Variants in INTS4 observed in about 807,000 individuals in gnomAD.
INTS4 encodes the protein MSTP093.
Under a neutral mutation model 119.5 loss-of-function variants are expected in INTS4, and 70 were observed. The ratio of observed to expected loss-of-function variants is 0.59; its 90% CI spans 0.48 to 0.71. The LOEUF (loss-of-function observed/expected upper bound fraction) is 0.71. Ranked by LOEUF, INTS4 falls within the 30% of genes least tolerant of loss-of-function variation. The probability of loss-of-function intolerance (pLI) is 0.00; values close to 1 mark genes in which losing one functional copy is unlikely to be tolerated. For missense variants in INTS4, 867 were observed against 1,173.2 expected (o/e 0.74, Z 3.81); for synonymous variants, 316 against 419.6 (o/e 0.75, Z 3.02).
chr11:77,911,080 T>C (rs963524233), intron 15 of INTS4: 2 of 1,286,934 alleles, frequency 1.6e-6, no homozygotes, highest in African/African-American at 3.0e-5. Context: ...CTTCCTCCCA[T>C]CTCATGCTCG....
intron 4 of INTS4, among the ~76,000 whole-genome samples, chr11:77,966,987 A>G (rs765148988): frequency 2.0e-5 from 3 of 152,110 alleles, no homozygotes; most frequent in Non-Finnish European, 2.9e-5. Flanking sequence ...AAGGGTTCCA[A>G]TCCTTGCCAA....
chr11:77,904,145 G>A (rs1173475568), intron 16 of INTS4, among the ~76,000 whole-genome samples: 1 of 152,144 alleles, frequency 6.6e-6, no homozygotes, highest in African/African-American at 2.4e-5. Flanking sequence ...TAAGAGCCAT[G>A]ATTTTACCTT....
At chr11:77,951,395 A>T (rs1356667963) in intron 8 of INTS4, among the ~76,000 whole-genome samples, 1 of 152,224 alleles carries the variant, frequency 6.6e-6, no homozygotes, top group African/African-American at 2.4e-5. Context: ...CAAATCTGAC[A>T]AAAACAAGAA....
At chr11:77,956,622 G>A (rs183656163) in intron 7 of INTS4, among the ~76,000 whole-genome samples, 260 of 151,810 alleles carry the variant, frequency 1.7e-3, no homozygotes, top group African/African-American at 5.9e-3. Context: ...CAGGAGAATC[G>A]CTTGAACCTG....
At chr11:77,986,658 T>A (rs1177802845) in intron 2 of INTS4, among the ~76,000 whole-genome samples, 1 of 152,070 alleles carries the variant, frequency 6.6e-6, no homozygotes, top group African/African-American at 2.4e-5. Flanking sequence ...TATGCAGCCA[T>A]AAAAAAGGAT....
At chr11:77,970,189 G>A (rs1487924336) in intron 4 of INTS4, among the ~76,000 whole-genome samples, 1 of 152,020 alleles carries the variant, frequency 6.6e-6, no homozygotes, top group Non-Finnish European at 1.5e-5. Flanking sequence ...CTGAGGTCAA[G>A]AGCTCGAGAC....
At chr11:77,877,488 T>A (rs548926406), downstream of INTS4, among the ~76,000 whole-genome samples, 1 of 152,338 alleles carries the variant, frequency 6.6e-6, no homozygotes, top group South Asian at 2.1e-4. Flanking sequence ...TGAGGTCCAA[T>A]TATCTTCGTT....
chr11:77,903,079 C>T (rs1045498203), intron 17 of INTS4, among the ~76,000 whole-genome samples: 6 of 152,176 alleles, frequency 3.9e-5, no homozygotes, highest in African/African-American at 1.2e-4. Context: ...CCAACTGCCA[C>T]ATTTTATAGA....
chr11:77,970,561 G>A (rs1173704447), intron 4 of INTS4, among the ~76,000 whole-genome samples: 1 of 151,728 alleles, frequency 6.6e-6, no homozygotes, highest in East Asian at 2.0e-4. Context: ...AGGCACAGTG[G>A]CTCACTCCTG....
chr11:77,965,836 A>C (rs1166022799), intron 4 of INTS4, among the ~76,000 whole-genome samples: 1 of 152,238 alleles, frequency 6.6e-6, no homozygotes, highest in Non-Finnish European at 1.5e-5. Context: ...CTTTAGACAT[A>C]TACCCGGAAG....
At chr11:77,954,708 T>G (rs1391838214) in intron 8 of INTS4, among the ~76,000 whole-genome samples, 1 of 152,158 alleles carries the variant, frequency 6.6e-6, no homozygotes, top group Non-Finnish European at 1.5e-5. Flanking sequence ...ACAATAGGGT[T>G]CACACTCCTA....
chr11:77,911,315 C>A (rs1380305951), intron 15 of INTS4, among the ~76,000 whole-genome samples: 1 of 152,190 alleles, frequency 6.6e-6, no homozygotes, highest in East Asian at 1.9e-4. Flanking sequence ...ACTAGCTAAG[C>A]CCAACTGTGA....
At chr11:77,921,305 A>C (rs1953355616) in intron 14 of INTS4, 35 bp downstream of exon 14, 1 of 1,604,742 alleles carries the variant, frequency 6.2e-7, no homozygotes, top group South Asian at 1.1e-5. Flanking sequence ...CCCCATGCAA[A>C]ATAAAAACAA....
intron 7 of INTS4, among the ~76,000 whole-genome samples, chr11:77,956,835 A>C (rs1954340270): frequency 6.6e-6 from 1 of 152,070 alleles, no homozygotes; most frequent in Non-Finnish European, 1.5e-5. Flanking sequence ...GACACACACA[A>C]AAATGATAAT....
rs868508167 is a variant in INTS4 at position 77,980,535 on chromosome 11, T to C, written c.364+924A>G. ...GCTGGGATAAAGGTGTGAGCAACCA[T>C]GTTTGGCTAATTTTTTAATATTTTG... On this transcript the variant is annotated intron_variant, in intron 3 of 22. Coordinates refer to ENST00000534064, the MANE Select transcript of INTS4 (RefSeq NM_033547.4). Among the ~76,000 whole-genome samples the C allele has an allele frequency of 3.9e-5, 6 of 152,036 alleles. No individual in the cohort carries two copies. The South Asian group carries it at 1.2e-3, about 32-fold the overall frequency.
intron 9 of INTS4, 90 bp downstream of exon 9, chr11:77,941,090 T>C (rs1953919143): frequency 1.3e-6 from 2 of 1,511,020 alleles, no homozygotes; most frequent in Non-Finnish European, 8.9e-7. Flanking sequence ...ATTTAACAAA[T>C]GCTGCTAAGT....
At chr11:77,919,212 A>G (rs1953279395) in intron 14 of INTS4, among the ~76,000 whole-genome samples, 1 of 152,230 alleles carries the variant, frequency 6.6e-6, no homozygotes, top group South Asian at 2.1e-4. Flanking sequence ...GCCAGGAGAA[A>G]AACAGAAAGA....
In INTS4 at chr11:77,883,409, T is replaced by A. The variant is rs192437652; in HGVS notation, c.2713+423A>T. ...GTTGGCAAATGAAAAAAAATATTTT[T>A]AAAAATCCTCACAACTAATTTGTAG... On this transcript the variant is annotated intron_variant, in intron 22 of 22. Coordinates refer to ENST00000534064, the MANE Select transcript of INTS4 (RefSeq NM_033547.4). Among the ~76,000 whole-genome samples the A allele has an allele frequency of 1.6e-3, 246 of 152,316 alleles. 2 individuals carry two copies. Among genetic ancestry groups the A allele is most frequent in the African/African-American group, 5.7e-3 (235 of 41,570 alleles).
At chr11:77,877,754 T>C (rs1951638537), downstream of INTS4, among the ~76,000 whole-genome samples, 1 of 151,986 alleles carries the variant, frequency 6.6e-6, no homozygotes, top group South Asian at 2.1e-4. Context: ...TTGCAATTTT[T>C]TTTTTTTAAA....
Sources: allele counts gnomAD v4.1 joint callset (sites outside exome capture counted in the v4.1 genomes callset), GRCh38; gene constraint gnomAD v4.1.1; transcripts MANE v1.5; gene names NCBI Gene and HGNC (gene_info 2026-07-23, HGNC 2026-07-21).